SZRD1: variants seen among roughly 807,000 people sequenced by gnomAD.
The protein encoded by SZRD1 is SUZ RNA binding domain containing 1.
A neutral mutation model predicts 17.6 loss-of-function variants in SZRD1; 7 were observed. The ratio of observed to expected loss-of-function variants is 0.40; its 90% CI spans 0.23 to 0.75. The LOEUF (loss-of-function observed/expected upper bound fraction) is 0.75, where lower values mean the gene tolerates loss of function less well. Among genes scored for constraint, SZRD1 ranks in the 30% least tolerant of loss-of-function variants. The probability of loss-of-function intolerance (pLI) is 0.38; values close to 1 mark genes in which losing one functional copy is unlikely to be tolerated. For missense variants in SZRD1, 178 were observed against 201.8 expected, an observed-to-expected ratio of 0.88 and a Z score of 0.71; for synonymous variants, 77 against 77.9, an observed-to-expected ratio of 0.99 and a Z score of 0.06.
In SZRD1 at chr1:16,393,979, G is replaced by C. The variant is rs1164680830; in HGVS notation, c.356+497G>C. On this transcript the variant is annotated intron_variant, in intron 3 of 3. Transcript: ENST00000401088. This position sits in a 1 kb window ranked among gnomAD's most constrained non-coding sequence, Gnocchi z 5.6. Reference sequence around the variant, plus strand: ...ATAAGTGCTTTGATGATATTTTCTGGGTCTCCAGTATGCCCACTGTGATGT... The same window carrying C: ...ATAAGTGCTTTGATGATATTTTCTGCGTCTCCAGTATGCCCACTGTGATGT... 6.6e-6 allele frequency among the ~76,000 whole-genome samples: 1 copy of C among 152,084 alleles called. No homozygotes were observed. Among genetic ancestry groups the C allele is most frequent in the Admixed American group, 6.5e-5 (1 of 15,276 alleles).
chr1:16,375,111 C>T (rs549160697), intron 1 of SZRD1, among the ~76,000 whole-genome samples: 9 of 152,020 alleles, frequency 5.9e-5, no homozygotes, highest in Non-Finnish European at 1.0e-4. Flanking sequence ...CTCGTGACCT[C>T]GTGATCCGCC....
At chr1:16,392,651 T>C (rs1006837804) in intron 2 of SZRD1, among the ~76,000 whole-genome samples, 1 of 152,176 alleles carries the variant, frequency 6.6e-6, no homozygotes, top group Non-Finnish European at 1.5e-5. Context: ...TTGTCTGGTG[T>C]AGCTTGTCTC....
chr1:16,369,462 A>G, intron 1 of SZRD1: 1 of 1,040,820 alleles, frequency 9.6e-7, no homozygotes, highest in East Asian at 2.4e-5. Flanking sequence ...GAGTGCATTC[A>G]AGAGTGAACT....
intron 1 of SZRD1, among the ~76,000 whole-genome samples, chr1:16,374,111 C>T (rs1394206808): frequency 6.6e-6 from 1 of 152,142 alleles, no homozygotes; most frequent in Non-Finnish European, 1.5e-5. Context: ...TTGGGGCTAT[C>T]TGGTGCTGAT....
intron 1 of SZRD1, chr1:16,387,416 C>T (rs1415589075): frequency 1.8e-5 from 8 of 447,630 alleles, no homozygotes; most frequent in Admixed American, 7.2e-5. Context: ...GCTCTCGCAG[C>T]GATATGAAAG....
chr1:16,372,030 T>C (rs1278637678), intron 1 of SZRD1, among the ~76,000 whole-genome samples: 3 of 152,218 alleles, frequency 2.0e-5, no homozygotes, highest in Non-Finnish European at 4.4e-5. Context: ...TATTGTGTCA[T>C]TTGGAGAAAG....
At chr1:16,383,671 G>A (rs2083143488) in intron 1 of SZRD1, among the ~76,000 whole-genome samples, 2 of 140,456 alleles carry the variant, frequency 1.4e-5, no homozygotes, top group South Asian at 4.4e-4. Flanking sequence ...CCAGGCTGGA[G>A]TGCAGTGGTG....
chr1:16,391,257 A>G lies in SZRD1; in HGVS notation c.52-118A>G. 1 of 741,300 alleles carries G rather than the reference A, an allele frequency of 1.3e-6. No individual in the cohort carries two copies. The highest frequency in any genetic ancestry group is 1.8e-5 in the African/African-American group (1 of 56,382). The allele number at this position is 741,300 out of a possible 1,614,324, so 45.9% of individuals were successfully genotyped here. ...ATCTAGTCCACATTTGTTATGTTGAAGGACACAGTCATGTCCCTGGCTAGA... is the reference window on the plus strand; with the variant it reads ...ATCTAGTCCACATTTGTTATGTTGAGGGACACAGTCATGTCCCTGGCTAGA... On this transcript the variant is annotated intron_variant, in intron 1 of 3. Coordinates refer to ENST00000401088, the MANE Select transcript of SZRD1 (RefSeq NM_001114600.3). The surrounding 1 kb of genome is among the most constrained non-coding windows in gnomAD (Gnocchi z 4.3).
Position 16,391,444 on chromosome 1 carries a change from T to C in SZRD1, c.101+20T>C. On this transcript the variant is annotated intron_variant, in intron 2 of 3. Coordinates refer to ENST00000401088, the MANE Select transcript of SZRD1 (RefSeq NM_001114600.3). This position sits in a 1 kb window ranked among gnomAD's most constrained non-coding sequence, Gnocchi z 4.3. ...AGAGAGGTAAGGCTGCTGTCTGGTC[T>C]GAGGGCTCATGCTCTCTGTGGTTTG... is the stretch of plus-strand genomic sequence containing the variant. 6.5e-7 allele frequency: 1 copy of C among 1,545,294 alleles called. No homozygotes were observed. The highest frequency in any genetic ancestry group is 8.7e-7 in the Non-Finnish European group (1 of 1,143,002).
At chr1:16,390,625 C>T (rs12131558) in intron 1 of SZRD1, 28,061 of 152,026 alleles carry the variant, frequency 0.18, 3,062 homozygotes, top group Non-Finnish European at 0.24. Context: ...CTAAGCCTTT[C>T]GGTAGGTGCC....
At chr1:16,367,411 C>A in intron 1 of SZRD1, 103 bp downstream of exon 1, 1 of 1,170,636 alleles carries the variant, frequency 8.5e-7, no homozygotes, top group Non-Finnish European at 1.2e-6. Context: ...GGAAGGGCCC[C>A]ATACGCCGGG....
chr1:16,387,736 C>G (rs532718525), intron 1 of SZRD1: 1 of 455,754 alleles, frequency 2.2e-6, no homozygotes. Context: ...TAGAGTGGAG[C>G]GAAATGATAC....
At chr1:16,392,249 A>G (rs1332405995) in intron 2 of SZRD1, among the ~76,000 whole-genome samples, 7 of 152,106 alleles carry the variant, frequency 4.6e-5, no homozygotes, top group Non-Finnish European at 7.3e-5. Flanking sequence ...ACCCTGGCTC[A>G]GTTCCTCCAA....
chr1:16,390,084 A>T (rs901385735), intron 1 of SZRD1, among the ~76,000 whole-genome samples: 8 of 152,188 alleles, frequency 5.3e-5, no homozygotes, highest in African/African-American at 1.7e-4. Flanking sequence ...ACCATTAGAG[A>T]TCTTGTCTCT....
In SZRD1 at chr1:16,395,214, G is replaced by A. The variant is rs773191698; in HGVS notation, c.*74G>A. 8.8e-6 allele frequency: 9 copies of A among 1,028,396 alleles called. No homozygotes were observed. The highest frequency in any genetic ancestry group is 1.8e-5 in the Admixed American group (1 of 55,322). The allele number at this position is 1,028,396 out of a possible 1,614,324, so 63.7% of individuals were successfully genotyped here. A position where few individuals can be genotyped will look rare whatever the true frequency, so the allele number is the denominator to read the frequency against. On this transcript the variant is annotated 3_prime_UTR_variant, in exon 4 of 4. Transcript: ENST00000401088. ...GTCGTCCGCCACGGGTTGCACTGCCGTGGCAGACAGCTGGACTTGAGCAGA... is the reference window on the plus strand; with the variant it reads ...GTCGTCCGCCACGGGTTGCACTGCCATGGCAGACAGCTGGACTTGAGCAGA...
chr1:16,384,051 T>C (rs915677698), intron 1 of SZRD1, among the ~76,000 whole-genome samples: 1 of 152,212 alleles, frequency 6.6e-6, no homozygotes, highest in African/African-American at 2.4e-5. Flanking sequence ...GTGATAGGAC[T>C]TGGGGTGTGT....
chr1:16,376,817 A>AAC (rs1283601986), intron 1 of SZRD1, among the ~76,000 whole-genome samples: 2 of 150,968 alleles, frequency 1.3e-5, no homozygotes, highest in Non-Finnish European at 2.9e-5. Context: ...AAAAAAAAAA[A>AAC]AAAAAAACGT....
At chr1:16,377,662 A>C (rs1241375867) in intron 1 of SZRD1, among the ~76,000 whole-genome samples, 1 of 152,064 alleles carries the variant, frequency 6.6e-6, no homozygotes, top group East Asian at 1.9e-4. Context: ...ACTGGGATTT[A>C]AATGCCTGGT....
chr1:16,387,483 T>G (rs2085145401), intron 1 of SZRD1: 1 of 454,912 alleles, frequency 2.2e-6, no homozygotes, highest in African/African-American at 2.0e-5. Context: ...AAATACTGAT[T>G]TGGTTTCTTC....
Sources: allele counts gnomAD v4.1 joint callset (sites outside exome capture counted in the v4.1 genomes callset), GRCh38; gene constraint gnomAD v4.1.1; non-coding constraint Gnocchi (gnomAD v3.1); transcripts MANE v1.5; gene names NCBI Gene and HGNC (gene_info 2026-07-23, HGNC 2026-07-21).